Variants in HSPA14 observed in about 807,000 individuals in gnomAD.
The protein encoded by HSPA14 is heat shock protein family A (Hsp70) member 14.
A neutral mutation model predicts 65.5 loss-of-function variants in HSPA14; 37 were observed. That is an observed-to-expected ratio of 0.56 (90% CI 0.43 to 0.74). The LOEUF (loss-of-function observed/expected upper bound fraction) is 0.74, where lower values mean the gene tolerates loss of function less well. HSPA14 is among the 30% of genes least tolerant of loss of function. HSPA14 has a pLI of 0.00. For synonymous variants in HSPA14, 203 were observed against 214.2 expected (o/e 0.95, Z 0.46); for missense variants, 564 against 607.6 (o/e 0.93, Z 0.75).
At chr10:14,852,032 T>C (rs902846515) in intron 7 of HSPA14, among the ~76,000 whole-genome samples, 4 of 152,240 alleles carry the variant, frequency 2.6e-5, no homozygotes, top group African/African-American at 9.6e-5. Context: ...GTAACTTGCA[T>C]AAGATTAACA....
rs113052974 is a variant in HSPA14 at position 14,846,050 on chromosome 10, G to A, written c.222-2559G>A. 1.3e-3 allele frequency: 1,231 copies of A among 971,708 alleles called. 13 individuals carry two copies. The African/African-American group carries it at 0.02, about 16-fold the overall frequency. 60.2% of individuals were successfully genotyped at this position (971,708 alleles called of 1,614,324 possible). ...TTTGAAATACTGGTAACAATTTTAAGGTAGCATTCTGTGGTATTAATATTT... is the reference window on the plus strand; with the variant it reads ...TTTGAAATACTGGTAACAATTTTAAAGTAGCATTCTGTGGTATTAATATTT... On this transcript the variant is annotated intron_variant, in intron 3 of 13. Transcript: ENST00000378372.
intron 8 of HSPA14, 142 bp from the exon 9 acceptor site, chr10:14,853,983 G>A (rs1157345207): frequency 3.0e-6 from 2 of 661,334 alleles, no homozygotes; most frequent in Non-Finnish European, 4.8e-6. Flanking sequence ...GCCTCCCAAA[G>A]TTGGGATTAC....
intron 10 of HSPA14, among the ~76,000 whole-genome samples, chr10:14,865,072 GTGA>G (rs1159246148): frequency 1.8e-4 from 27 of 152,222 alleles, no homozygotes; most frequent in African/African-American, 6.5e-4. Context: ...CTGATGGCCA[GTGA>G]TGATGAGCAT....
At position 14,855,931 on chromosome 10, in the gene HSPA14, TG is replaced by T; in HGVS notation, c.982del (p.Asp328IlefsTer20). The T allele has an allele frequency of 6.4e-7, 1 of 1,563,578 alleles. No homozygotes were observed. Among genetic ancestry groups the T allele is most frequent in the Non-Finnish European group, 8.8e-7 (1 of 1,134,576 alleles). On this transcript the variant is annotated frameshift_variant, in exon 10 of 14. Coordinates refer to ENST00000378372, the MANE Select transcript of HSPA14 (RefSeq NM_016299.4). LOFTEE classifies it high-confidence loss of function. ...TAGATCAAAATGGATTTACAGCAGA[TG>T]ATATCAACAAGGTAATGCTTTTACA... ...LLDQNGFTADDINKVVLCGGS... is the reference protein window; with the variant it reads ...LLDQNGFTADXINKVVLCGGS...
intron 3 of HSPA14, among the ~76,000 whole-genome samples, chr10:14,847,899 A>T (rs1657074074): frequency 6.6e-6 from 1 of 152,186 alleles, no homozygotes; most frequent in African/African-American, 2.4e-5. Context: ...TAAAGTATGA[A>T]TAATAGTAGC....
chr10:14,850,351 C>G (rs1034541853), intron 6 of HSPA14, among the ~76,000 whole-genome samples: 2 of 151,796 alleles, frequency 1.3e-5, no homozygotes, highest in Non-Finnish European at 2.9e-5. Context: ...TTTAAATTAC[C>G]AGGTTAAATT....
intron 12 of HSPA14, among the ~76,000 whole-genome samples, chr10:14,868,820 G>A (rs781071995): frequency 6.6e-6 from 1 of 151,998 alleles, no homozygotes; most frequent in Non-Finnish European, 1.5e-5. Flanking sequence ...ATTAAATATC[G>A]GTAACAAAAA....
chr10:14,851,184 ATAAAT>A lies in HSPA14; in HGVS notation c.468-28_468-24del, dbSNP rs777048016. The A allele has an allele frequency of 9.3e-5, 105 of 1,125,096 alleles. No individual in the cohort carries two copies. In the Middle Eastern group the frequency reaches 9.8e-4, roughly 11 times the overall value. The allele number at this position is 1,125,096 out of a possible 1,614,324, so 69.7% of individuals were successfully genotyped here. A position where few individuals can be genotyped will look rare whatever the true frequency, so the allele number is the denominator to read the frequency against. ...CTAAAAATGTAGAATTGAACATGTG[ATAAAT>A]TAAATTCATTGAAAGCAAATTGTTC... is the stretch of plus-strand genomic sequence containing the variant. On this transcript the variant is annotated intron_variant, in intron 6 of 13. Transcript: ENST00000378372.
intron 9 of HSPA14, 61 bp from the exon 10 acceptor site, chr10:14,855,780 C>T (rs1308949513): frequency 3.5e-6 from 3 of 846,474 alleles, no homozygotes; most frequent in South Asian, 1.5e-5. Flanking sequence ...TACTGAGCCC[C>T]GTTTTATCTT....
intron 10 of HSPA14, among the ~76,000 whole-genome samples, chr10:14,860,215 GAGT>G (rs1832739845): frequency 3.3e-5 from 5 of 152,134 alleles, no homozygotes; most frequent in Admixed American, 3.3e-4. Flanking sequence ...ATTTTTAATG[GAGT>G]CTTCTGAATT....
chr10:14,855,535 T>G (rs985164122), intron 9 of HSPA14, among the ~76,000 whole-genome samples: 1 of 152,162 alleles, frequency 6.6e-6, no homozygotes, highest in African/African-American at 2.4e-5. Flanking sequence ...GTTTTTAGAT[T>G]TGTTATTTTT....
rs766351742 is a variant in HSPA14 at position 14,842,792 on chromosome 10, C to G, written c.221+2635C>G. 1.3e-6 allele frequency: 2 copies of G among 1,536,250 alleles called. No homozygotes were observed. Among genetic ancestry groups the G allele is most frequent in the Non-Finnish European group, 8.7e-7 (1 of 1,146,936 alleles). ...GGATTGTCAGCTAAGAATCAGTGACCGGATACGAGAAACCAGTGACCTTGA... is the reference window on the plus strand; with the variant it reads ...GGATTGTCAGCTAAGAATCAGTGACGGGATACGAGAAACCAGTGACCTTGA... On this transcript the variant is annotated intron_variant, in intron 3 of 13. Coordinates refer to ENST00000378372, the MANE Select transcript of HSPA14 (RefSeq NM_016299.4). The surrounding 1 kb of genome is among the most constrained non-coding windows in gnomAD (Gnocchi z 5.2).
At chr10:14,848,690 C>T in intron 4 of HSPA14, 33 bp downstream of exon 4, 1 of 1,559,610 alleles carries the variant, frequency 6.4e-7, no homozygotes, top group Non-Finnish European at 8.8e-7. Context: ...TTCCCTGTTA[C>T]ATAGAGTAAT....
At chr10:14,857,647 T>C (rs1832717752) in intron 10 of HSPA14, among the ~76,000 whole-genome samples, 1 of 152,212 alleles carries the variant, frequency 6.6e-6, no homozygotes, top group South Asian at 2.1e-4. Flanking sequence ...ATATTAGCTA[T>C]CATGCACAGC....
rs1832819835 is a variant in HSPA14, at chr10:14,867,759, T to C, written c.1230T>C (p.Ser410=). The part of the protein sequence containing the change: ...LVKGVDESGA[S]RFTVLFPSGT... ...AGGGTGTGGACGAATCAGGAGCCAG[T>C]AGATTCACAGTGCTGTTTCCATCAG... The change falls in exon 12 of 14, where the codon AGT becomes AGC. Residue 410 remains serine, a synonymous_variant. Transcript: ENST00000378372. The C allele has an allele frequency of 6.2e-7, 1 of 1,613,916 alleles. No homozygotes were observed.
At chr10:14,865,542 G>A (rs571922892) in intron 10 of HSPA14, among the ~76,000 whole-genome samples, 1 of 152,240 alleles carries the variant, frequency 6.6e-6, no homozygotes, top group Admixed American at 6.5e-5. Flanking sequence ...TCTACCTATG[G>A]CTAGCCAAGT....
At position 14,849,825 on chromosome 10, in the gene HSPA14, G is replaced by T. The variant is rs779908901; in HGVS notation, c.467+14G>T. 7.9e-6 allele frequency: 12 copies of T among 1,526,648 alleles called. No homozygotes were observed. In the Admixed American group the frequency reaches 1.0e-4, roughly 13 times the overall value. The allele number at this position is 1,526,648 out of a possible 1,614,324, so 94.6% of individuals were successfully genotyped here. A position where few individuals can be genotyped will look rare whatever the true frequency, so the allele number is the denominator to read the frequency against. On this transcript the variant is annotated intron_variant, in intron 6 of 13. Coordinates refer to ENST00000378372, the MANE Select transcript of HSPA14 (RefSeq NM_016299.4). ...AAATGCTCTTGGGTAAGTATATGGG[G>T]TTTATCTTACTGGCTTAATTAAAGG...
chr10:14,843,247 C>T, intron 3 of HSPA14: 1 of 1,195,034 alleles, frequency 8.4e-7, no homozygotes, highest in Non-Finnish European at 1.2e-6. Context: ...CTTCCCAGTC[C>T]CTGGTGGAAA....
intron 3 of HSPA14, chr10:14,846,950 T>C (rs1377002646): frequency 1.0e-6 from 1 of 985,298 alleles, no homozygotes; most frequent in East Asian, 1.1e-4. Context: ...ACCTTTGTTT[T>C]TCTGTTCGGT....
Sources: allele counts gnomAD v4.1 joint callset (sites outside exome capture counted in the v4.1 genomes callset), GRCh38; gene constraint gnomAD v4.1.1; non-coding constraint Gnocchi (gnomAD v3.1); transcripts MANE v1.5; gene names NCBI Gene and HGNC (gene_info 2026-07-23, HGNC 2026-07-21).